Variants in XIRP2 observed in about 807,000 individuals in gnomAD.
XIRP2 encodes xin actin binding repeat containing 2.
XIRP2 carries 236 observed loss-of-function variants against 277.0 expected under a neutral mutation model. The observed-to-expected ratio is 0.85, with a 90% CI of 0.77 to 0.95. The LOEUF is 0.95. Ranked by LOEUF, XIRP2 falls within the 40% of genes least tolerant of loss-of-function variation. The pLI is 0.00. For missense variants in XIRP2, 4,640 were observed against 4,157.5 expected (o/e 1.12, Z -3.19); for synonymous variants, 1,490 against 1,416.5 (o/e 1.05, Z -1.17).
chr2:166,897,430 A>G (rs1464247229), intron 1 of XIRP2, among the ~76,000 whole-genome samples: 1 of 152,108 alleles, frequency 6.6e-6, no homozygotes, highest in Non-Finnish European at 1.5e-5. Context: ...ACCATCGACA[A>G]TACTGAAAAC....
rs1559037404 is a variant in XIRP2, at chr2:167,242,991, T to A, written c.1599T>A (p.Ser533Arg). 6.2e-7 allele frequency: 1 copy of A among 1,613,908 alleles called. No homozygotes were observed. Among genetic ancestry groups the A allele is most frequent in the East Asian group, 2.2e-5 (1 of 44,854 alleles). The stretch of plus-strand genomic sequence containing the variant: ...TTTCTAGTCAAATGAACTCAGGGAG[T>A]TCAGTCTCAGCAGATGTGCAACAAG... ...EIVSSQMNSG[S>R]SVSADVQQAR... The change falls in exon 9 of 11, where the codon AGT becomes AGA. Residue 533 changes from serine to arginine, a missense_variant. Ser to Arg is a moderately radical substitution (Grantham distance 110). Coordinates refer to ENST00000409195, the MANE Select transcript of XIRP2 (RefSeq NM_152381.6).
chr2:166,943,675 A>G (rs376951201), intron 2 of XIRP2, among the ~76,000 whole-genome samples: 36 of 152,356 alleles, frequency 2.4e-4, no homozygotes, highest in East Asian at 1.4e-3. Context: ...TGGTGGGCAT[A>G]TGATTGGCCT....
At chr2:167,225,501 A>G (rs1694569855) in intron 5 of XIRP2, among the ~76,000 whole-genome samples, 1 of 152,196 alleles carries the variant, frequency 6.6e-6, no homozygotes, top group Non-Finnish European at 1.5e-5. Flanking sequence ...GAATAAAGCC[A>G]GTGTCTGATC....
chr2:166,940,751 C>T (rs561166992), intron 2 of XIRP2, among the ~76,000 whole-genome samples: 88 of 152,294 alleles, frequency 5.8e-4, no homozygotes, highest in African/African-American at 2.1e-3. Flanking sequence ...GTGGAGGCTG[C>T]AGAACAGTGA....
intron 2 of XIRP2, among the ~76,000 whole-genome samples, chr2:167,040,417 G>C (rs1368610001): frequency 1.3e-5 from 2 of 152,216 alleles, no homozygotes; most frequent in South Asian, 4.1e-4. Context: ...GAAGGGGTGA[G>C]TGAAATAGGC....
chr2:167,112,899 C>T (rs1397000077), intron 2 of XIRP2, among the ~76,000 whole-genome samples: 1 of 152,110 alleles, frequency 6.6e-6, no homozygotes, highest in East Asian at 1.9e-4. Flanking sequence ...AATTGATCTG[C>T]CTGCCTCAGT....
At chr2:167,209,673 A>T (rs946625365) in intron 3 of XIRP2, among the ~76,000 whole-genome samples, 4 of 151,992 alleles carry the variant, frequency 2.6e-5, no homozygotes, top group African/African-American at 9.7e-5. Flanking sequence ...CCTTGAAATG[A>T]TTTTGGAATC....
chr2:167,006,564 G>T (rs1558944622), intron 2 of XIRP2, among the ~76,000 whole-genome samples: 1 of 151,840 alleles, frequency 6.6e-6, no homozygotes, highest in Non-Finnish European at 1.5e-5. Context: ...TACCATGGGG[G>T]TGTTCAGCTG....
intron 2 of XIRP2, among the ~76,000 whole-genome samples, chr2:166,906,679 G>A (rs1218806987): frequency 6.6e-6 from 1 of 152,026 alleles, no homozygotes; most frequent in African/African-American, 2.4e-5. Flanking sequence ...CAAAAGGCCA[G>A]GCACAGTGGC....
At chr2:167,199,997 A>G (rs909120236) in intron 3 of XIRP2, among the ~76,000 whole-genome samples, 3 of 152,248 alleles carry the variant, frequency 2.0e-5, no homozygotes, top group African/African-American at 7.2e-5. Flanking sequence ...ATGTAGAATG[A>G]TATGAAATTT....
At chr2:167,256,209 T>C (rs1320205020) in intron 10 of XIRP2, among the ~76,000 whole-genome samples, 1 of 151,578 alleles carries the variant, frequency 6.6e-6, no homozygotes, top group Non-Finnish European at 1.5e-5. Flanking sequence ...ATCTGTTTTA[T>C]TATATAGTTT....
intron 3 of XIRP2, among the ~76,000 whole-genome samples, chr2:167,175,627 TGAG>T (rs1692819369): frequency 6.6e-6 from 1 of 152,130 alleles, no homozygotes; most frequent in Non-Finnish European, 1.5e-5. Context: ...GGGAACCACT[TGAG>T]GAGGCAGTCA....
At chr2:167,161,586 G>A (rs1191815889) in intron 3 of XIRP2, among the ~76,000 whole-genome samples, 2 of 152,222 alleles carry the variant, frequency 1.3e-5, no homozygotes, top group African/African-American at 4.8e-5. Flanking sequence ...AGCTGGAGTA[G>A]CTGGGACATA....
intron 3 of XIRP2, among the ~76,000 whole-genome samples, chr2:167,175,536 A>G (rs1261590184): frequency 6.6e-6 from 1 of 152,074 alleles, no homozygotes; most frequent in Non-Finnish European, 1.5e-5. Flanking sequence ...CACCTGCCAG[A>G]TGCCAGCTGG....
chr2:166,910,323 T>C (rs1272936812), intron 2 of XIRP2, among the ~76,000 whole-genome samples: 2 of 152,336 alleles, frequency 1.3e-5, no homozygotes, highest in Non-Finnish European at 2.9e-5. Flanking sequence ...ATTCAACTTC[T>C]TCCTGGTTTA....
chr2:167,246,256 G>A lies in XIRP2; in HGVS notation c.4864G>A (p.Glu1622Lys). 1.2e-6 allele frequency: 2 copies of A among 1,613,552 alleles called. No individual in the cohort carries two copies. Among genetic ancestry groups the A allele is most frequent in the Non-Finnish European group, 1.7e-6 (2 of 1,179,744 alleles). ...TTCCAAAAGGGACTGTACTGAAAGA[G>A]AGATTTTGATTAGTGAAGAAGAGAA... is the stretch of plus-strand genomic sequence containing the variant. ...LLSKRDCTER[E>K]ILISEEEKGN... The change falls in exon 9 of 11, where the codon GAG (glutamate) becomes AAG (lysine). Residue 1622 changes from glutamate to lysine, a missense_variant. Transcript: ENST00000409195.
intron 2 of XIRP2, among the ~76,000 whole-genome samples, chr2:167,038,047 T>A (rs557387098): frequency 6.6e-6 from 1 of 152,208 alleles, no homozygotes; most frequent in African/African-American, 2.4e-5. Context: ...TTTGCTAAAC[T>A]GTTTCAATTT....
At chr2:167,184,545 T>A (rs1693102953) in intron 3 of XIRP2, 1 of 716,692 alleles carries the variant, frequency 1.4e-6, no homozygotes, top group East Asian at 2.7e-5. Context: ...CCAGCAGCAG[T>A]GTTCTCCACG....
intron 1 of XIRP2, among the ~76,000 whole-genome samples, chr2:166,893,612 G>A (rs557644792): frequency 2.8e-4 from 43 of 152,038 alleles, no homozygotes; most frequent in Non-Finnish European, 5.1e-4. Flanking sequence ...AATGACTATT[G>A]AAACTTTGCA....
Sources: gnomAD v4.1 joint callset for allele counts (sites outside exome capture counted in the v4.1 genomes callset) on GRCh38, gnomAD v4.1.1 for gene constraint, MANE v1.5 for transcripts, NCBI Gene and HGNC (gene_info 2026-07-23, HGNC 2026-07-21) for gene names.